The following MAPK10 variants were observed in gnomAD, a reference collection of about 807,000 sequenced individuals.
MAPK10 encodes JNK3 alpha protein kinase.
MAPK10 carries 25 observed loss-of-function variants against 59.3 expected under a neutral mutation model. The observed-to-expected ratio is 0.42, with a 90% CI of 0.31 to 0.59. MAPK10 has a LOEUF of 0.59. Ranked by LOEUF, MAPK10 falls within the 20% of genes least tolerant of loss-of-function variation. MAPK10 has a pLI of 0.15. For missense variants in MAPK10, 351 were observed against 568.9 expected (o/e 0.62, Z 3.90); for synonymous variants, 190 against 200.5 (o/e 0.95, Z 0.44).
chr4:86,471,946 A>G (rs926401154), intron 1 of MAPK10, among the ~76,000 whole-genome samples: 10 of 152,170 alleles, frequency 6.6e-5, no homozygotes, highest in African/African-American at 2.4e-4. Flanking sequence ...TTAAGAGTTT[A>G]GGGGTTTTGT....
chr4:86,483,750 T>C (rs905010546), intron 1 of MAPK10, among the ~76,000 whole-genome samples: 2 of 152,050 alleles, frequency 1.3e-5, no homozygotes, highest in Non-Finnish European at 2.9e-5. Context: ...CTCTACCCTC[T>C]AACAGCTCAC....
intron 4 of MAPK10, among the ~76,000 whole-genome samples, chr4:86,144,560 C>G (rs1327161326): frequency 6.6e-6 from 1 of 152,166 alleles, no homozygotes; most frequent in Admixed American, 6.5e-5. Flanking sequence ...TTCTCTTTCT[C>G]CTGCCAGAGA....
intron 4 of MAPK10, among the ~76,000 whole-genome samples, chr4:86,146,585 TC>T (rs2149196178): frequency 6.6e-6 from 1 of 152,280 alleles, no homozygotes; most frequent in Non-Finnish European, 1.5e-5. Context: ...ACGCACCACT[TC>T]CAGGCCTGGC....
chr4:86,210,823 G>A (rs577354772), intron 2 of MAPK10, among the ~76,000 whole-genome samples: 4 of 151,092 alleles, frequency 2.6e-5, no homozygotes, highest in African/African-American at 9.7e-5. Flanking sequence ...TCAAAGAACT[G>A]AAGGAAGACA....
intron 1 of MAPK10, among the ~76,000 whole-genome samples, chr4:86,411,603 T>C (rs1457016747): frequency 6.6e-6 from 1 of 152,216 alleles, no homozygotes; most frequent in Non-Finnish European, 1.5e-5. Context: ...TGCATATATA[T>C]TTAGGATAGT....
At chr4:86,487,309 T>A (rs1475070055) in intron 1 of MAPK10, among the ~76,000 whole-genome samples, 3 of 150,604 alleles carry the variant, frequency 2.0e-5, no homozygotes, top group African/African-American at 7.3e-5. Flanking sequence ...GACTAAGAGG[T>A]AAGAGGGAAT....
intron 11 of MAPK10, among the ~76,000 whole-genome samples, chr4:86,047,939 A>G (rs2042812020): frequency 1.3e-5 from 2 of 152,132 alleles, no homozygotes; most frequent in African/African-American, 4.8e-5. Flanking sequence ...CCAGAATATT[A>G]CATGGTCCAG....
chr4:86,220,359 A>G (rs768591211), intron 2 of MAPK10, among the ~76,000 whole-genome samples: 5 of 152,112 alleles, frequency 3.3e-5, no homozygotes, highest in African/African-American at 4.8e-5. Flanking sequence ...CAAAAAAAAA[A>G]TGAGGTTGAC....
intron 9 of MAPK10, among the ~76,000 whole-genome samples, chr4:86,092,721 A>C (rs183917627): frequency 6.6e-6 from 1 of 152,170 alleles, no homozygotes; most frequent in Admixed American, 6.6e-5. Flanking sequence ...CCTTAGAAGT[A>C]ATTAGCAAAT....
chr4:86,069,551 T>C (rs2047386680), intron 9 of MAPK10, among the ~76,000 whole-genome samples: 1 of 152,102 alleles, frequency 6.6e-6, no homozygotes, highest in South Asian at 2.1e-4. Flanking sequence ...CATGAGCCTG[T>C]ATTAATACTA....
chr4:86,144,817 T>C (rs1478289500), intron 4 of MAPK10, among the ~76,000 whole-genome samples: 1 of 152,162 alleles, frequency 6.6e-6, no homozygotes, highest in African/African-American at 2.4e-5. Flanking sequence ...CTGCCACTGA[T>C]CCAGAAACTC....
At chr4:86,190,889 T>C (rs1428314597) in intron 3 of MAPK10, among the ~76,000 whole-genome samples, 1 of 152,222 alleles carries the variant, frequency 6.6e-6, no homozygotes, top group African/African-American at 2.4e-5. Context: ...TTTAGTGCTA[T>C]AAATTTCCCT....
intron 1 of MAPK10, among the ~76,000 whole-genome samples, chr4:86,486,296 C>G (rs1169504826): frequency 6.6e-6 from 1 of 152,122 alleles, no homozygotes; most frequent in Admixed American, 6.6e-5. Flanking sequence ...AAGACTCAAT[C>G]TCTAAAACAT....
chr4:86,455,641 C>G, upstream of MAPK10, among the ~76,000 whole-genome samples: 1 of 152,100 alleles, frequency 6.6e-6, no homozygotes, highest in Non-Finnish European at 1.5e-5. Flanking sequence ...AACACTAGAG[C>G]TCCCAAATTT....
intron 2 of MAPK10, among the ~76,000 whole-genome samples, chr4:86,224,249 G>C (rs12513122): frequency 0.085 from 12,932 of 152,208 alleles, 1,221 homozygotes; most frequent in African/African-American, 0.23. Flanking sequence ...TAATGGGAAA[G>C]ACAGATATTA....
intron 2 of MAPK10, among the ~76,000 whole-genome samples, chr4:86,207,700 GTTTGTATCCTC>G (rs2084505017): frequency 6.6e-6 from 1 of 152,018 alleles, no homozygotes; most frequent in African/African-American, 2.4e-5. Flanking sequence ...TCTTCCATTT[GTTTGTATCCTC>G]TTTTATTTCA....
chr4:86,404,748 G>A (rs767885574), intron 1 of MAPK10, among the ~76,000 whole-genome samples: 2 of 152,144 alleles, frequency 1.3e-5, no homozygotes, highest in Non-Finnish European at 2.9e-5. Flanking sequence ...ATTCCTGAGG[G>A]AACAGCAACC....
chr4:86,344,974 T>C (rs1443508639), intron 2 of MAPK10, among the ~76,000 whole-genome samples: 1 of 152,218 alleles, frequency 6.6e-6, no homozygotes, highest in Non-Finnish European at 1.5e-5. Context: ...GGAAAATTGA[T>C]ATAGTCAGTT....
intron 11 of MAPK10, among the ~76,000 whole-genome samples, chr4:86,062,061 T>C (rs753296452): frequency 6.6e-6 from 1 of 152,158 alleles, no homozygotes. Context: ...ACCTTCAGGA[T>C]CTTTCTCTTC....
Sources: allele counts gnomAD v4.1 joint callset (sites outside exome capture counted in the v4.1 genomes callset), GRCh38; gene constraint gnomAD v4.1.1; transcripts MANE v1.5; gene names NCBI Gene and HGNC (gene_info 2026-07-23, HGNC 2026-07-21).